Variants in PCDHA12 observed in about 807,000 individuals in gnomAD.
PCDHA12 encodes the protein protocadherin alpha 12.
In PCDHA12, 44 loss-of-function variants were observed where a neutral mutation model predicts 60.0. The ratio of observed to expected loss-of-function variants is 0.73; its 90% CI spans 0.58 to 0.94. The LOEUF (loss-of-function observed/expected upper bound fraction) is 0.94, where lower values mean the gene tolerates loss of function less well. Among genes scored for constraint, PCDHA12 ranks in the 40% least tolerant of loss-of-function variants. The pLI is 0.00. For missense variants in PCDHA12, 1,276 were observed against 1,239.7 expected (o/e 1.03, Z -0.44); for synonymous variants, 569 against 553.0 (o/e 1.03, Z -0.40).
Position 140,877,262 on chromosome 5 carries a change from T to C in PCDHA12, c.1790T>C (p.Val597Ala), listed in dbSNP as rs1554169532. 2 of 1,613,670 alleles carry C rather than the reference T, an allele frequency of 1.2e-6. No individual in the cohort carries two copies. Among genetic ancestry groups the C allele is most frequent in the South Asian group, 2.2e-5 (2 of 91,046 alleles). Residue 597 changes from valine (V) to alanine (A), a missense_variant, in exon 1 of 4, where the codon GTG becomes GCG. Physicochemically the swap from Val to Ala is moderately conservative, Grantham distance 64. Transcript: ENST00000398631. ...AGHVVAKVRA[V>A]DADSGYNAWL... is the part of the protein sequence containing the mutation. ...CACGTGGTGGCGAAAGTGCGCGCGGTGGACGCTGACTCCGGCTATAACGCT... is the reference window on the plus strand; with the variant it reads ...CACGTGGTGGCGAAAGTGCGCGCGGCGGACGCTGACTCCGGCTATAACGCT...
rs375332226 is a variant in PCDHA12 at position 141,003,567 on chromosome 5, ACTCCCAAAGTG to A, written c.2516-6057_2516-6047del. Among the ~76,000 whole-genome samples, 186 of 152,020 alleles carry A rather than the reference ACTCCCAAAGTG, an allele frequency of 1.2e-3. 1 individual carries two copies. Among genetic ancestry groups the A allele is most frequent in the African/African-American group, 4.1e-3 (172 of 41,464 alleles). On this transcript the variant is annotated intron_variant, in intron 3 of 3. Coordinates refer to ENST00000398631, the MANE Select transcript of PCDHA12 (RefSeq NM_018903.4). ...GCTTCAAGTGATCCACCTGCCTCAGACTCCCAAAGTGCTGGGATTTTAGATGTGAGCCACCA... is the reference window on the plus strand; with the variant it reads ...GCTTCAAGTGATCCACCTGCCTCAGACTGGGATTTTAGATGTGAGCCACCA...
intron 1 of PCDHA12, among the ~76,000 whole-genome samples, chr5:140,892,696 C>T (rs1005435710): frequency 4.6e-5 from 7 of 152,098 alleles, no homozygotes; most frequent in Admixed American, 6.6e-5. Context: ...ATAATAAAAT[C>T]AGGGTAATTA....
intron 1 of PCDHA12, chr5:140,969,338 C>G: frequency 1.1e-5 from 18 of 1,613,914 alleles, no homozygotes; most frequent in Non-Finnish European, 1.4e-5. Context: ...TGAGGTGAGA[C>G]AGTGGTCAGG....
intron 1 of PCDHA12, chr5:140,968,903 A>G: frequency 6.2e-7 from 1 of 1,614,216 alleles, no homozygotes; most frequent in Non-Finnish European, 8.5e-7. Context: ...AATAGCATTA[A>G]GCACAGTGTC....
chr5:140,895,857 G>C (rs1181424868), intron 1 of PCDHA12, among the ~76,000 whole-genome samples: 1 of 152,116 alleles, frequency 6.6e-6, no homozygotes, highest in Admixed American at 6.5e-5. Flanking sequence ...TGTACCCCAG[G>C]CTGGAGTGCA....
At chr5:140,967,321 C>T (rs985147302) in intron 1 of PCDHA12, 12 of 1,609,430 alleles carry the variant, frequency 7.5e-6, no homozygotes, top group Non-Finnish European at 1.0e-5. Context: ...TACAGACCTA[C>T]GAGCTCAGCC....
At position 140,876,102 on chromosome 5, in the gene PCDHA12, A is replaced by G. The variant is rs1363448025; in HGVS notation, c.630A>G (p.Leu210=). 4 of 1,613,844 alleles carry G rather than the reference A, an allele frequency of 2.5e-6. No individual in the cohort carries two copies. The African/African-American group carries it at 4.0e-5, about 16-fold the overall frequency. ...GAGAGCAAACGCCAAAACTCAATTT[A>G]TTGCTGATGGTAATCGATGGCGGTA... ...LDREQTPKLN[L]LLMVIDGGKP... The change falls in exon 1 of 4, where the codon TTA becomes TTG. Residue 210 remains leucine (L), a synonymous_variant. Coordinates refer to ENST00000398631, the MANE Select transcript of PCDHA12 (RefSeq NM_018903.4).
At chr5:140,928,388 C>T in intron 1 of PCDHA12, 1 of 1,614,012 alleles carries the variant, frequency 6.2e-7, no homozygotes, top group Non-Finnish European at 8.5e-7. Flanking sequence ...AGCTTGCTGG[C>T]AGTGGAATCA....
In PCDHA12 at chr5:140,883,463, T is replaced by C. The variant is rs1028584234; in HGVS notation, c.2367+5624T>C. On this transcript the variant is annotated intron_variant, in intron 1 of 3. Transcript: ENST00000398631. ...GCCGCATGTCCCCTTCAAGCTGGTGTCCACCTACAAGAACTACTACTCATT... is the reference window on the plus strand; with the variant it reads ...GCCGCATGTCCCCTTCAAGCTGGTGCCCACCTACAAGAACTACTACTCATT... 44 of 1,614,040 alleles carry C rather than the reference T, an allele frequency of 2.7e-5. No individual in the cohort carries two copies. Among genetic ancestry groups the C allele is most frequent in the Non-Finnish European group, 3.6e-5 (42 of 1,180,048 alleles).
intron 1 of PCDHA12, chr5:140,883,975 G>A (rs1167945773): frequency 1.2e-6 from 2 of 1,612,842 alleles, no homozygotes; most frequent in African/African-American, 2.7e-5. Flanking sequence ...TGACGCCCGG[G>A]GCTGGCAGCG....
intron 3 of PCDHA12, among the ~76,000 whole-genome samples, chr5:141,008,307 G>A (rs1212029861): frequency 2.0e-5 from 3 of 152,176 alleles, no homozygotes; most frequent in Admixed American, 1.3e-4. Context: ...ACCCTAAACT[G>A]TAATTGAACA....
rs1554169144 is a variant in PCDHA12, at chr5:140,876,947, A to T, written c.1475A>T (p.Tyr492Phe). The change falls in exon 1 of 4, where the codon TAC becomes TTC. Residue 492 changes from tyrosine (Y) to phenylalanine (F), a missense_variant. By Grantham distance (22) the Tyr-to-Phe change is conservative. Transcript: ENST00000398631. ...GCGCAGAAGAACGCGCTGGTGTCCT[A>T]CTCGCTGGTGGAGCGGCGGGTGGGC... ...ADAQKNALVS[Y>F]SLVERRVGEH... is the part of the protein sequence containing the mutation. 1 of 1,613,496 alleles carries T rather than the reference A, an allele frequency of 6.2e-7. No homozygotes were observed. The highest frequency in any genetic ancestry group is 8.5e-7 in the Non-Finnish European group (1 of 1,179,858).
chr5:140,944,316 T>C lies in PCDHA12; in HGVS notation c.2368-34633T>C, dbSNP rs140163712. On this transcript the variant is annotated intron_variant, in intron 1 of 3. Coordinates refer to ENST00000398631, the MANE Select transcript of PCDHA12 (RefSeq NM_018903.4). ...GATCCTCCTACCTCAGCCTCCTGAG[T>C]AGCTGGGATTACAAGCACGTGCCAC... 4.3e-3 allele frequency among the ~76,000 whole-genome samples: 654 copies of C among 152,070 alleles called. 5 individuals carry two copies. The highest frequency in any genetic ancestry group is 5.5e-3 in the Non-Finnish European group (376 of 67,970).
rs560256618 is a variant in PCDHA12 at position 140,999,889 on chromosome 5, C to T, written c.2516-9738C>T. Among the ~76,000 whole-genome samples the T allele has an allele frequency of 2.0e-5, 3 of 152,292 alleles. No homozygotes were observed. In the East Asian group the frequency reaches 5.8e-4, roughly 29 times the overall value. ...TTACTGAAAATTAGCCCAGCTGTAG[C>T]TTGGGACACCAAACAGCCAAAAAAT... On this transcript the variant is annotated intron_variant, in intron 3 of 3. Coordinates refer to ENST00000398631, the MANE Select transcript of PCDHA12 (RefSeq NM_018903.4).
Position 140,883,641 on chromosome 5 carries a change from C to T in PCDHA12, c.2367+5802C>T, listed in dbSNP as rs1427282306. On this transcript the variant is annotated intron_variant, in intron 1 of 3. Coordinates refer to ENST00000398631, the MANE Select transcript of PCDHA12 (RefSeq NM_018903.4). ...GACAACGCGCCGGCGTTCGCGCAGC[C>T]CGAGTACACGGTGTTCGTGAAGGAA... is the stretch of plus-strand genomic sequence containing the variant. 3.7e-6 allele frequency: 6 copies of T among 1,613,840 alleles called. No homozygotes were observed. In the Admixed American group the frequency reaches 6.7e-5, roughly 18 times the overall value.
chr5:140,905,248 C>A (rs143714633), intron 1 of PCDHA12, among the ~76,000 whole-genome samples: 43 of 152,208 alleles, frequency 2.8e-4, no homozygotes, highest in African/African-American at 8.7e-4. Context: ...TTCATTCTTC[C>A]ACATGAGGCT....
intron 1 of PCDHA12, among the ~76,000 whole-genome samples, chr5:140,965,212 T>G (rs1360102713): frequency 6.6e-6 from 1 of 152,180 alleles, no homozygotes; most frequent in African/African-American, 2.4e-5. Context: ...CAAATTCCTG[T>G]GGAAGAAATG....
At chr5:140,942,821 G>A (rs2093373988) in intron 1 of PCDHA12, among the ~76,000 whole-genome samples, 1 of 151,968 alleles carries the variant, frequency 6.6e-6, no homozygotes, top group African/African-American at 2.4e-5. Flanking sequence ...GTTGGATTTG[G>A]CCCTGTGTCA....
At chr5:140,954,396 C>T (rs894225724) in intron 1 of PCDHA12, among the ~76,000 whole-genome samples, 3 of 152,176 alleles carry the variant, frequency 2.0e-5, no homozygotes, top group Admixed American at 1.3e-4. Context: ...TTTACAACCC[C>T]ACCAACAGGG....
Sources: gnomAD v4.1 joint callset for allele counts (sites outside exome capture counted in the v4.1 genomes callset) on GRCh38, gnomAD v4.1.1 for gene constraint, MANE v1.5 for transcripts, NCBI Gene and HGNC (gene_info 2026-07-23, HGNC 2026-07-21) for gene names.